Variants in FGD6 observed in about 807,000 individuals in gnomAD.
The protein encoded by FGD6 is FYVE, RhoGEF and PH domain containing 6.
FGD6 carries 90 observed loss-of-function variants against 149.4 expected under a neutral mutation model. The ratio of observed to expected loss-of-function variants is 0.60; its 90% CI spans 0.51 to 0.72. The LOEUF is 0.72. FGD6 is among the 30% of genes least tolerant of loss of function. The pLI is 0.00. For missense variants in FGD6, 1,437 were observed against 1,684.8 expected, an observed-to-expected ratio of 0.85 and a Z score of 2.57; for synonymous variants, 527 against 584.0, an observed-to-expected ratio of 0.90 and a Z score of 1.41.
chr12:95,169,492 A>C (rs1880925405), intron 3 of FGD6, among the ~76,000 whole-genome samples: 1 of 152,212 alleles, frequency 6.6e-6, no homozygotes, highest in Non-Finnish European at 1.5e-5. Context: ...AAAGGCAGGC[A>C]CAAACGCAGA....
intron 6 of FGD6, among the ~76,000 whole-genome samples, chr12:95,139,130 G>T (rs560628332): frequency 6.6e-6 from 1 of 152,232 alleles, no homozygotes; most frequent in Admixed American, 6.5e-5. Flanking sequence ...AACCCTAAGA[G>T]AAAAATATTT....
Position 95,089,434 on chromosome 12 carries a change from C to G in FGD6, c.3978+135G>C, listed in dbSNP as rs139594734. 9.7e-5 allele frequency: 109 copies of G among 1,129,140 alleles called. No individual in the cohort carries two copies. The African/African-American group carries it at 1.6e-3, about 16-fold the overall frequency. The allele number at this position is 1,129,140 out of a possible 1,614,324, so 69.9% of individuals were successfully genotyped here. ...CAAGATTGTGAGGCATCAGCCACAT[C>G]CATCATCAGTATTAAAATTCATGAC... On this transcript the variant is annotated intron_variant, in intron 18 of 20. Transcript: ENST00000343958.
At chr12:95,154,137 C>T (rs1459954765) in intron 3 of FGD6, among the ~76,000 whole-genome samples, 5 of 151,822 alleles carry the variant, frequency 3.3e-5, no homozygotes, top group Non-Finnish European at 7.4e-5. Flanking sequence ...TTTTTTTGTA[C>T]TTTTAGTAGA....
At position 95,084,594 on chromosome 12, in the gene FGD6, A is replaced by T; in HGVS notation, c.4160T>A (p.Val1387Asp). Residue 1387 changes from valine to aspartate, a missense_variant, in exon 20 of 21, where the codon GTT becomes GAT. Coordinates refer to ENST00000343958, the MANE Select transcript of FGD6 (RefSeq NM_018351.4). ...TTTAGACTCGGAATTCTCATCTTTA[A>T]CTTGAATAACAGTGAATCCTAATAA... ...QPLLGFTVIQ[V>D]KDENSESKVF... The T allele has an allele frequency of 6.2e-7, 1 of 1,608,478 alleles. No homozygotes were observed. Among genetic ancestry groups the T allele is most frequent in the Non-Finnish European group, 8.5e-7 (1 of 1,178,268 alleles).
chr12:95,216,939 G>A (rs1278717920), intron 1 of FGD6, among the ~76,000 whole-genome samples: 2 of 152,214 alleles, frequency 1.3e-5, no homozygotes, highest in Non-Finnish European at 2.9e-5. Context: ...CTGGAGAGAT[G>A]AGCGAACGCC....
At chr12:95,164,311 G>C (rs868317855) in intron 3 of FGD6, among the ~76,000 whole-genome samples, 17 of 148,090 alleles carry the variant, frequency 1.1e-4, no homozygotes, top group South Asian at 6.3e-4. Flanking sequence ...GCACGATCTC[G>C]GCTCACGGCA....
At position 95,078,364 on chromosome 12, in the gene FGD6, CAT is replaced by C. The variant is rs1269644355; in HGVS notation, c.*3154_*3155del. 6.6e-6 allele frequency: 1 copy of C among 152,232 alleles called. No individual in the cohort carries two copies. 9.4% of individuals were successfully genotyped at this position (152,232 alleles called of 1,614,324 possible). A position where few individuals can be genotyped will look rare whatever the true frequency, so the allele number is the denominator to read the frequency against. On this transcript the variant is annotated 3_prime_UTR_variant, in exon 21 of 21. Coordinates refer to ENST00000343958, the MANE Select transcript of FGD6 (RefSeq NM_018351.4). ...AGCACAATGGAAGCACACTCCAAAA[CAT>C]ACCAACATATGCTGTGATATAACAT... is the stretch of plus-strand genomic sequence containing the variant.
intron 6 of FGD6, 96 bp from the exon 7 acceptor site, chr12:95,137,774 C>T: frequency 1.3e-6 from 1 of 795,280 alleles, no homozygotes; most frequent in Admixed American, 3.7e-5. Context: ...GCCAACTTAT[C>T]TTTTTTTCTC....
intron 2 of FGD6, among the ~76,000 whole-genome samples, chr12:95,204,533 C>T (rs1202552147): frequency 1.3e-5 from 2 of 152,164 alleles, no homozygotes; most frequent in South Asian, 2.1e-4. Flanking sequence ...TTCAGTCTTC[C>T]ACACAGCTCA....
At chr12:95,179,163 T>C (rs1048892021) in intron 2 of FGD6, among the ~76,000 whole-genome samples, 1 of 152,116 alleles carries the variant, frequency 6.6e-6, no homozygotes, top group Non-Finnish European at 1.5e-5. Flanking sequence ...TTCCCCCAAG[T>C]AATTACGAGG....
intron 14 of FGD6, among the ~76,000 whole-genome samples, chr12:95,098,695 G>C (rs1449596878): frequency 6.6e-6 from 1 of 152,110 alleles, no homozygotes; most frequent in Non-Finnish European, 1.5e-5. Flanking sequence ...GTAGGAAAGA[G>C]GCTGCCCTCT....
rs1433371290 is a variant in FGD6, at chr12:95,210,554, G to C, written c.730C>G (p.Gln244Glu). ...TGTTCACATTCATCACTAGGAAGCT[G>C]TAAGTGGCAACTGTGATGATCAGGA... The part of the protein sequence containing the change: ...KVPDHHSCHL[Q>E]LPSDECEHFE... The change falls in exon 2 of 21, where the codon CAG (glutamine) becomes GAG (glutamate). Residue 244 changes from glutamine to glutamate, a missense_variant. By Grantham distance (29) the Gln-to-Glu change is conservative. This residue lies in a region of FGD6 where 1,055 missense variants were observed against 1,146.0 expected (regional missense o/e 0.92). Coordinates refer to ENST00000343958, the MANE Select transcript of FGD6 (RefSeq NM_018351.4). 2.5e-6 allele frequency: 4 copies of C among 1,614,156 alleles called. No individual in the cohort carries two copies. In the East Asian group the frequency reaches 6.7e-5, roughly 27 times the overall value.
intron 3 of FGD6, among the ~76,000 whole-genome samples, chr12:95,172,044 G>GC (rs1360278828): frequency 2.2e-5 from 3 of 139,204 alleles, no homozygotes; most frequent in Admixed American, 7.7e-5. Context: ...AAGGGGGGGG[G>GC]GGTTGTTATC....
At chr12:95,139,276 A>G (rs890958524) in intron 6 of FGD6, among the ~76,000 whole-genome samples, 5 of 152,016 alleles carry the variant, frequency 3.3e-5, no homozygotes, top group African/African-American at 1.2e-4. Flanking sequence ...CTGTCTCTAC[A>G]AAAAATTAAA....
intron 2 of FGD6, among the ~76,000 whole-genome samples, chr12:95,178,265 T>C (rs1317330695): frequency 6.6e-6 from 1 of 152,132 alleles, no homozygotes; most frequent in Non-Finnish European, 1.5e-5. Context: ...CGTATGCACA[T>C]CATGTTTTTA....
chr12:95,209,278 C>A lies in FGD6; in HGVS notation c.2006G>T (p.Gly669Val), dbSNP rs1036217708. Residue 669 changes from glycine (G) to valine (V), a missense_variant, in exon 2 of 21, where the codon GGG (glycine) becomes GTG (valine). Gly to Val is a moderately radical substitution (Grantham distance 109, BLOSUM62 -3). Coordinates refer to ENST00000343958, the MANE Select transcript of FGD6 (RefSeq NM_018351.4). ...CAAGCCTTGCCAATCACTTTCAATC[C>A]CCTTCTGCTCCCCACTGGAGAGGTG... is the stretch of plus-strand genomic sequence containing the variant. Reference protein sequence around the residue: ...TGHLSSGEQKGIESDWQGLLV... With the variant: ...TGHLSSGEQKVIESDWQGLLV... The A allele has an allele frequency of 6.2e-7, 1 of 1,614,126 alleles. No homozygotes were observed.
In FGD6 at chr12:95,210,327, C is replaced by G; in HGVS notation, c.957G>C (p.Lys319Asn). The change falls in exon 2 of 21, where the codon AAG becomes AAC. Residue 319 changes from lysine to asparagine, a missense_variant. Coordinates refer to ENST00000343958, the MANE Select transcript of FGD6 (RefSeq NM_018351.4). Reference protein sequence around the residue: ...TPKFPTPKPRKTRTARLLRQK... With the variant: ...TPKFPTPKPRNTRTARLLRQK... The stretch of plus-strand genomic sequence containing the variant: ...GGCGTAACAGACGAGCAGTTCGTGT[C>G]TTTCTGGGCTTGGGAGTTGGAAATT... The G allele has an allele frequency of 6.2e-7, 1 of 1,614,040 alleles. No homozygotes were observed. Among genetic ancestry groups the G allele is most frequent in the Non-Finnish European group, 8.5e-7 (1 of 1,180,012 alleles).
At position 95,082,315 on chromosome 12, in the gene FGD6, A is replaced by G. The variant is rs145693561; in HGVS notation, c.4257-759T>C. 1.8e-4 allele frequency among the ~76,000 whole-genome samples: 27 copies of G among 152,060 alleles called. 1 individual carries two copies. The East Asian group carries it at 4.9e-3, about 27-fold the overall frequency. On this transcript the variant is annotated intron_variant, in intron 20 of 20. Transcript: ENST00000343958. ...ATCCAGACCTGTTTCAAGATTTGCA[A>G]TTAAAAGGAATCTGGCATCTAGTGT...
At chr12:95,152,120 G>GT (rs1339813592) in intron 5 of FGD6, among the ~76,000 whole-genome samples, 1 of 152,090 alleles carries the variant, frequency 6.6e-6, no homozygotes, top group Non-Finnish European at 1.5e-5. Flanking sequence ...GAGCCCATGA[G>GT]TTTGAGATCA....
Sources: gnomAD v4.1 joint callset for allele counts (sites outside exome capture counted in the v4.1 genomes callset) on GRCh38, gnomAD v4.1.1 for gene constraint, gnomAD v4.1.1 regional missense constraint, MANE v1.5 for transcripts, NCBI Gene and HGNC (gene_info 2026-07-23, HGNC 2026-07-21) for gene names.